Variants in PCDHGA11 observed in about 807,000 individuals in gnomAD.
PCDHGA11 encodes the protein protocadherin gamma subfamily A, 11.
PCDHGA11 carries 39 observed loss-of-function variants against 60.4 expected under a neutral mutation model. The ratio of observed to expected loss-of-function variants is 0.65; its 90% CI spans 0.50 to 0.84. PCDHGA11 has a LOEUF of 0.84. PCDHGA11 is among the 40% of genes least tolerant of loss of function. The pLI is 0.00. For synonymous variants in PCDHGA11, 533 were observed against 510.3 expected (o/e 1.04, Z -0.60); for missense variants, 1,165 against 1,197.7 (o/e 0.97, Z 0.40).
rs112156044 is a variant in PCDHGA11, at chr5:141,476,771, G to C, written c.2434-18036G>C. ...CCAGTTAGTGCTGACGGCGTTGGAC[G>C]GAGGGACCCCAGCTCTCTCCGCCAG... On this transcript the variant is annotated intron_variant, in intron 1 of 3. Coordinates refer to ENST00000398587, the MANE Select transcript of PCDHGA11 (RefSeq NM_018914.3). The surrounding 1 kb of genome is among the most constrained non-coding windows in gnomAD (Gnocchi z 7.6). 1.1e-5 allele frequency: 18 copies of C among 1,613,700 alleles called. 1 individual carries two copies. In the South Asian group the frequency reaches 1.3e-4, roughly 12 times the overall value.
chr5:141,498,042 A>G (rs1189035278), intron 2 of PCDHGA11, among the ~76,000 whole-genome samples: 2 of 152,238 alleles, frequency 1.3e-5, no homozygotes, highest in Non-Finnish European at 2.9e-5. Flanking sequence ...AATAATTACA[A>G]AAATAAATGT....
rs1228831823 is a variant in PCDHGA11, at chr5:141,487,778, T to C, written c.2434-7029T>C. ...GGTAGACGCTGTGCTTTGTAACTGT[T>C]TCGTGAATTAACCAGAGTTGTCACA... On this transcript the variant is annotated intron_variant, in intron 1 of 3. Coordinates refer to ENST00000398587, the MANE Select transcript of PCDHGA11 (RefSeq NM_018914.3). The surrounding 1 kb of genome is among the most constrained non-coding windows in gnomAD (Gnocchi z 5.0). The C allele has an allele frequency of 6.5e-7, 1 of 1,531,514 alleles. No individual in the cohort carries two copies. The highest frequency in any genetic ancestry group is 2.0e-5 in the Admixed American group (1 of 49,632). 94.9% of individuals were successfully genotyped at this position (1,531,514 alleles called of 1,614,324 possible).
rs11343387 is a variant in PCDHGA11 at position 141,497,209 on chromosome 5, TGG to T, written c.2492+2352_2492+2353del. On this transcript the variant is annotated intron_variant, in intron 2 of 3. Transcript: ENST00000398587. ...GAGGCAGAGAACAATGTGAGTGTAATGGGGGGGGGAAGATCAGAGAAGGCTTC... is the reference window on the plus strand; with the variant it reads ...GAGGCAGAGAACAATGTGAGTGTAATGGGGGGGAAGATCAGAGAAGGCTTC... Among the ~76,000 whole-genome samples the T allele has an allele frequency of 3.8e-3, 569 of 151,352 alleles. 5 individuals are homozygous for T. Among genetic ancestry groups the T allele is most frequent in the Admixed American group, 0.011 (162 of 15,190 alleles).
chr5:141,497,804 T>G (rs1196976996), intron 2 of PCDHGA11, among the ~76,000 whole-genome samples: 1 of 152,186 alleles, frequency 6.6e-6, no homozygotes, highest in Non-Finnish European at 1.5e-5. Context: ...CTTCCCAAAG[T>G]GCTAGAATTA....
chr5:141,423,167 T>C lies in PCDHGA11; in HGVS notation c.1940T>C (p.Val647Ala). The change falls in exon 1 of 4, where the codon GTC (valine) becomes GCC (alanine). Residue 647 changes from valine to alanine, a missense_variant. Val to Ala is a moderately conservative substitution (Grantham distance 64). Coordinates refer to ENST00000398587, the MANE Select transcript of PCDHGA11 (RefSeq NM_018914.3). The stretch of plus-strand genomic sequence containing the variant: ...CTCAAGCAGAGCCTCGTGGTGGCCG[T>C]CCAGGACCACGGCCAGCCCCCTCTC... ...DALKQSLVVA[V>A]QDHGQPPLSA... is the part of the protein sequence containing the mutation. The C allele has an allele frequency of 6.2e-7, 1 of 1,613,424 alleles. No homozygotes were observed. Among genetic ancestry groups the C allele is most frequent in the Non-Finnish European group, 8.5e-7 (1 of 1,179,906 alleles).
chr5:141,437,762 A>G (rs1286042187), intron 1 of PCDHGA11, among the ~76,000 whole-genome samples: 1 of 149,476 alleles, frequency 6.7e-6, no homozygotes, highest in African/African-American at 2.5e-5. Context: ...TTTTTGAGAC[A>G]GAGTCTCAAT....
chr5:141,486,337 C>T lies in PCDHGA11; in HGVS notation c.2434-8470C>T, dbSNP rs116799150. On this transcript the variant is annotated intron_variant, in intron 1 of 3. Coordinates refer to ENST00000398587, the MANE Select transcript of PCDHGA11 (RefSeq NM_018914.3). The surrounding 1 kb of genome is among the most constrained non-coding windows in gnomAD (Gnocchi z 5.0). ...GGTCAAACGGAGATGTGAGCCTCCG[C>T]ATTCCTGACCACTTGCCATTTGCCC... 1 of 1,614,076 alleles carries T rather than the reference C, an allele frequency of 6.2e-7. No homozygotes were observed. Among genetic ancestry groups the T allele is most frequent in the Non-Finnish European group, 8.5e-7 (1 of 1,179,966 alleles).
intron 1 of PCDHGA11, chr5:141,440,036 A>T (rs540100930): frequency 6.5e-6 from 1 of 153,058 alleles, no homozygotes; most frequent in Non-Finnish European, 1.5e-5. Context: ...TGTCGAGGAC[A>T]TGCCCACTTG....
intron 1 of PCDHGA11, among the ~76,000 whole-genome samples, chr5:141,436,477 G>A (rs748354852): frequency 1.3e-5 from 2 of 152,168 alleles, no homozygotes; most frequent in Non-Finnish European, 2.9e-5. Context: ...ATGTATCATA[G>A]AAGGATAGCA....
At position 141,493,157 on chromosome 5, in the gene PCDHGA11, T is replaced by C. The variant is rs1261889479; in HGVS notation, c.2434-1650T>C. ...TTGAAACACCCCCAGGTGATTTTGATAGCTGATTGAGAGAAACTTACTATA... is the reference window on the plus strand; with the variant it reads ...TTGAAACACCCCCAGGTGATTTTGACAGCTGATTGAGAGAAACTTACTATA... On this transcript the variant is annotated intron_variant, in intron 1 of 3. Coordinates refer to ENST00000398587, the MANE Select transcript of PCDHGA11 (RefSeq NM_018914.3). This position sits in a 1 kb window ranked among gnomAD's most constrained non-coding sequence, Gnocchi z 4.3. 2.0e-5 allele frequency among the ~76,000 whole-genome samples: 3 copies of C among 152,224 alleles called. No individual in the cohort carries two copies. Among genetic ancestry groups the C allele is most frequent in the Admixed American group, 6.5e-5 (1 of 15,286 alleles).
intron 2 of PCDHGA11, among the ~76,000 whole-genome samples, chr5:141,502,576 T>C (rs1226513508): frequency 6.6e-6 from 1 of 152,168 alleles, no homozygotes; most frequent in African/African-American, 2.4e-5. Flanking sequence ...ATTATAAAAA[T>C]ATATTTTTAT....
Position 141,490,142 on chromosome 5 carries a change from C to A in PCDHGA11, c.2434-4665C>A. On this transcript the variant is annotated intron_variant, in intron 1 of 3. Coordinates refer to ENST00000398587, the MANE Select transcript of PCDHGA11 (RefSeq NM_018914.3). This position sits in a 1 kb window ranked among gnomAD's most constrained non-coding sequence, Gnocchi z 5.4. The stretch of plus-strand genomic sequence containing the variant: ...TTTGGCCTAGACCCTAGCAGTGGGG[C>A]AATCCATGTGTTGGGTCCCATAGAC... The A allele has an allele frequency of 1.9e-6, 3 of 1,614,220 alleles. No individual in the cohort carries two copies. The highest frequency in any genetic ancestry group is 2.7e-5 in the African/African-American group (2 of 75,060).
At chr5:141,471,637 T>C (rs1284100810) in intron 1 of PCDHGA11, 2 of 152,198 alleles carry the variant, frequency 1.3e-5, no homozygotes, top group Non-Finnish European at 2.9e-5. Context: ...TATGGATTAG[T>C]AATATACTGG....
At position 141,491,919 on chromosome 5, in the gene PCDHGA11, C is replaced by A. The variant is rs1177043977; in HGVS notation, c.2434-2888C>A. 1.5e-6 allele frequency: 2 copies of A among 1,361,778 alleles called. No homozygotes were observed. Among genetic ancestry groups the A allele is most frequent in the South Asian group, 1.6e-5 (1 of 64,218 alleles). 84.4% of individuals were successfully genotyped at this position (1,361,778 alleles called of 1,614,324 possible). A position where few individuals can be genotyped will look rare whatever the true frequency, so the allele number is the denominator to read the frequency against. On this transcript the variant is annotated intron_variant, in intron 1 of 3. Coordinates refer to ENST00000398587, the MANE Select transcript of PCDHGA11 (RefSeq NM_018914.3). The surrounding 1 kb of genome is among the most constrained non-coding windows in gnomAD (Gnocchi z 6.9). ...CACCGGGGGTGGTGGCGACTGTGGGCGAGGGGAGGTGGGACCGACCCCCAC... is the reference window on the plus strand; with the variant it reads ...CACCGGGGGTGGTGGCGACTGTGGGAGAGGGGAGGTGGGACCGACCCCCAC...
chr5:141,431,879 C>T lies in PCDHGA11; in HGVS notation c.2433+8219C>T. 1 of 1,614,162 alleles carries T rather than the reference C, an allele frequency of 6.2e-7. No individual in the cohort carries two copies. The highest frequency in any genetic ancestry group is 8.5e-7 in the Non-Finnish European group (1 of 1,179,970). ...AATTGCCCTTTTAAATGTAAATGAC[C>T]AAGATTCTGAGGAAAACGGACAGGT... On this transcript the variant is annotated intron_variant, in intron 1 of 3. Coordinates refer to ENST00000398587, the MANE Select transcript of PCDHGA11 (RefSeq NM_018914.3). The surrounding 1 kb of genome is among the most constrained non-coding windows in gnomAD (Gnocchi z 4.8).
At chr5:141,440,155 A>C (rs1250255277) in intron 1 of PCDHGA11, 1 of 152,238 alleles carries the variant, frequency 6.6e-6, no homozygotes, top group Non-Finnish European at 1.5e-5. Flanking sequence ...CCCCAATTAT[A>C]GCTTGGGCCA....
At chr5:141,459,874 A>G (rs922438277) in intron 1 of PCDHGA11, among the ~76,000 whole-genome samples, 10 of 152,156 alleles carry the variant, frequency 6.6e-5, no homozygotes, top group African/African-American at 2.4e-4. Flanking sequence ...TTCATCTTTA[A>G]CTGAGCTGAA....
In PCDHGA11 at chr5:141,505,414, C is replaced by T. The variant is rs373956550; in HGVS notation, c.2514C>T (p.Thr838=). The T allele has an allele frequency of 3.0e-5, 48 of 1,614,046 alleles. No homozygotes were observed. In the African/African-American group the frequency reaches 3.1e-4, roughly 10 times the overall value. The change falls in exon 3 of 4, where the codon ACC becomes ACT. Residue 838 remains threonine (T), a synonymous_variant. Transcript: ENST00000398587. ...CCAGCTCCCAAAATGGCGATGACACCGGCACCTGGCCCAACAACCAGTTTG... is the reference window on the plus strand; with the variant it reads ...CCAGCTCCCAAAATGGCGATGACACTGGCACCTGGCCCAACAACCAGTTTG... ...GTSGSQNGDD[T]GTWPNNQFDT...
chr5:141,505,597 T>C, intron 3 of PCDHGA11, 116 bp downstream of exon 3: 1 of 1,558,330 alleles, frequency 6.4e-7, no homozygotes, highest in Non-Finnish European at 8.7e-7. Context: ...TCCAGATCTT[T>C]CGGCAGGTCT....
Sources: allele counts gnomAD v4.1 joint callset (sites outside exome capture counted in the v4.1 genomes callset), GRCh38; gene constraint gnomAD v4.1.1; non-coding constraint Gnocchi (gnomAD v3.1); transcripts MANE v1.5; gene names NCBI Gene and HGNC (gene_info 2026-07-23, HGNC 2026-07-21).